The following GATA4 variants were observed in gnomAD, a reference collection of about 807,000 sequenced individuals.
GATA4 encodes the protein transcription factor GATA-4.
A neutral mutation model predicts 37.9 loss-of-function variants in GATA4; 7 were observed. That is an observed-to-expected ratio of 0.18 (90% CI 0.11 to 0.35). The LOEUF (loss-of-function observed/expected upper bound fraction) is 0.35, where lower values mean the gene tolerates loss of function less well. GATA4 is among the 10% of genes least tolerant of loss of function. The pLI is 1.00. For synonymous variants in GATA4, 372 were observed against 292.6 expected (o/e 1.27, Z -2.77); for missense variants, 647 against 653.0 (o/e 0.99, Z 0.10).
At chr8:11,750,080 G>A in intron 3 of GATA4, 31 bp from the exon 4 acceptor site, 1 of 1,613,846 alleles carries the variant, frequency 6.2e-7, no homozygotes, top group Non-Finnish European at 8.5e-7. Context: ...CCTTTTACTT[G>A]GACATGAAGC....
At chr8:11,678,354 T>C (rs1798848443) in intron 1 of GATA4, among the ~76,000 whole-genome samples, 1 of 152,112 alleles carries the variant, frequency 6.6e-6, no homozygotes, top group Admixed American at 6.5e-5. Context: ...TATCTTTCCA[T>C]CTCCAGCAGC....
chr8:11,724,480 G>C (rs139526820), intron 2 of GATA4, among the ~76,000 whole-genome samples: 182 of 152,196 alleles, frequency 1.2e-3, no homozygotes, highest in African/African-American at 4.2e-3. Context: ...CATCTCCAAC[G>C]TAATTCTTCA....
Position 11,708,435 on chromosome 8 carries a change from A to C in GATA4, c.123A>C (p.Thr41=). The change falls in exon 2 of 7, where the codon ACA becomes ACC. Residue 41 remains threonine (T), a synonymous_variant. Coordinates refer to ENST00000532059, the MANE Select transcript of GATA4 (RefSeq NM_001308093.3). This position sits in a 1 kb window ranked among gnomAD's most constrained non-coding sequence, Gnocchi z 6.7. ...CGTCCTCGCCAGTCTACGTGCCCAC[A>C]CCGCGGGTGCCCTCCTCCGTGCTGG... ...GAASSPVYVP[T]PRVPSSVLGL... The C allele has an allele frequency of 6.5e-7, 1 of 1,534,068 alleles. No individual in the cohort carries two copies. The highest frequency in any genetic ancestry group is 8.7e-7 in the Non-Finnish European group (1 of 1,146,376).
At chr8:11,738,270 A>G (rs1801556332) in intron 2 of GATA4, among the ~76,000 whole-genome samples, 1 of 152,108 alleles carries the variant, frequency 6.6e-6, no homozygotes, top group South Asian at 2.1e-4. Context: ...ACAGCAAACA[A>G]TGAGAAGTCC....
chr8:11,725,118 C>A (rs557232883), intron 2 of GATA4, among the ~76,000 whole-genome samples: 1 of 152,322 alleles, frequency 6.6e-6, no homozygotes, highest in African/African-American at 2.4e-5. Flanking sequence ...GTCCTTGGAG[C>A]CTCGTGCGCA....
At chr8:11,681,194 G>T in intron 1 of GATA4, 1 of 985,394 alleles carries the variant, frequency 1.0e-6, no homozygotes, top group Non-Finnish European at 1.2e-6. Flanking sequence ...ACAGGCCCTG[G>T]CCCGCGCGGG....
chr8:11,678,971 C>G (rs1798866771), intron 1 of GATA4, among the ~76,000 whole-genome samples: 1 of 152,106 alleles, frequency 6.6e-6, no homozygotes, highest in African/African-American at 2.4e-5. Flanking sequence ...AATAAAATAT[C>G]CATTTCAAAT....
intron 1 of GATA4, chr8:11,681,292 C>G (rs933709510): frequency 5.0e-5 from 49 of 985,300 alleles, no homozygotes; most frequent in South Asian, 1.9e-4. Flanking sequence ...GCTGAGGTTC[C>G]GGGGAAGAGC....
chr8:11,697,999 G>A (rs765117063), intron 1 of GATA4: 348 of 985,308 alleles, frequency 3.5e-4, no homozygotes, highest in Non-Finnish European at 3.9e-4. Context: ...TGTCCTCCCC[G>A]GGAGCTGGGC....
intron 1 of GATA4, among the ~76,000 whole-genome samples, chr8:11,679,582 C>G (rs571597558): frequency 6.8e-4 from 103 of 152,320 alleles, no homozygotes; most frequent in African/African-American, 2.3e-3. Flanking sequence ...GGCGCGCAGC[C>G]GGGGAGAGGA....
chr8:11,730,600 C>G (rs193158423), intron 2 of GATA4, among the ~76,000 whole-genome samples: 57 of 152,302 alleles, frequency 3.7e-4, no homozygotes, highest in African/African-American at 1.3e-3. Flanking sequence ...AGGAGGATGG[C>G]TCCTGGGTGT....
intron 2 of GATA4, 81 bp from the exon 3 acceptor site, chr8:11,748,835 C>T: frequency 2.6e-6 from 4 of 1,516,298 alleles, no homozygotes; most frequent in Non-Finnish European, 3.7e-6. Flanking sequence ...TCTGTGCGCT[C>T]TAGATTCTCA....
intron 2 of GATA4, among the ~76,000 whole-genome samples, chr8:11,744,263 A>G (rs573403998): frequency 6.6e-4 from 101 of 152,320 alleles, no homozygotes; most frequent in Admixed American, 1.2e-3. Flanking sequence ...CCTCCTAACA[A>G]TAATCCATCA....
chr8:11,680,712 G>C (rs754497591), intron 1 of GATA4: 2 of 985,276 alleles, frequency 2.0e-6, no homozygotes, highest in Non-Finnish European at 2.4e-6. Flanking sequence ...TCCTCCAGCC[G>C]CTGCGCACGG....
At chr8:11,716,672 G>A (rs1025533449) in intron 2 of GATA4, among the ~76,000 whole-genome samples, 1 of 152,202 alleles carries the variant, frequency 6.6e-6, no homozygotes, top group African/African-American at 2.4e-5. Context: ...CACGTACTAG[G>A]CAATGGTGAC....
At chr8:11,697,025 C>T (rs550758555) in intron 1 of GATA4, among the ~76,000 whole-genome samples, 37 of 152,258 alleles carry the variant, frequency 2.4e-4, no homozygotes, top group African/African-American at 7.7e-4. Context: ...AGGGAGGAGG[C>T]GATGAGGTCG....
chr8:11,756,857 CCCGGCTGTCTCGCAGGCTG>C, intron 5 of GATA4, 59 bp from the exon 6 acceptor site: 2 of 1,594,442 alleles, frequency 1.3e-6, no homozygotes, highest in Non-Finnish European at 1.7e-6. Context: ...TTGCACCCAT[CCCGGCTGTCTCGCAGGCTG>C]CCGGCTGTTC....
At chr8:11,702,992 C>T (rs1799736858), upstream of GATA4, among the ~76,000 whole-genome samples, 1 of 152,214 alleles carries the variant, frequency 6.6e-6, no homozygotes, top group Non-Finnish European at 1.5e-5. This position sits in a 1 kb window ranked among gnomAD's most constrained non-coding sequence, Gnocchi z 4.4. Flanking sequence ...TGGCCTCGTC[C>T]TTAACCCCCG....
At chr8:11,725,253 G>T (rs1052667982) in intron 2 of GATA4, among the ~76,000 whole-genome samples, 1 of 152,256 alleles carries the variant, frequency 6.6e-6, no homozygotes, top group Non-Finnish European at 1.5e-5. Flanking sequence ...TTAGATCCAT[G>T]TTTTCCCAAT....
Sources: allele counts gnomAD v4.1 joint callset (sites outside exome capture counted in the v4.1 genomes callset), GRCh38; gene constraint gnomAD v4.1.1; non-coding constraint Gnocchi (gnomAD v3.1); transcripts MANE v1.5; gene names NCBI Gene and HGNC (gene_info 2026-07-23, HGNC 2026-07-21).